Variants in RHOA observed in about 807,000 individuals in gnomAD.
RHOA encodes the protein ras homolog family member A.
Under a neutral mutation model 17.5 loss-of-function variants are expected in RHOA, and 3 were observed. The observed-to-expected ratio is 0.17, with a 90% CI of 0.08 to 0.44. The LOEUF is 0.44. Among genes scored for constraint, RHOA ranks in the 20% least tolerant of loss-of-function variants. The pLI, the probability that RHOA is intolerant of heterozygous loss-of-function variation, is 0.99. For synonymous variants in RHOA, 98 were observed against 88.4 expected (o/e 1.11, Z -0.61); for missense variants, 56 against 242.3 (o/e 0.23, Z 5.10).
Position 49,360,036 on chromosome 3 carries a change from GTTGGACA to G in RHOA, c.*166_*172del, listed in dbSNP as rs1407493935. The G allele has an allele frequency of 6.9e-6, 5 of 728,340 alleles. No individual in the cohort carries two copies. The highest frequency in any genetic ancestry group is 1.1e-5 in the Non-Finnish European group (5 of 470,910). The allele number at this position is 728,340 out of a possible 1,614,324, so 45.1% of individuals were successfully genotyped here. A position where few individuals can be genotyped will look rare whatever the true frequency, so the allele number is the denominator to read the frequency against. On this transcript the variant is annotated 3_prime_UTR_variant, in exon 5 of 5. Coordinates refer to ENST00000418115, the MANE Select transcript of RHOA (RefSeq NM_001664.4). The stretch of plus-strand genomic sequence containing the variant: ...AAAAGGACCCTGGTGGGCCAGACGG[GTTGGACA>G]TCGTTAATAATCATAGTTGGCTTCT...
At chr3:49,368,707 CTTTTTT>C (rs374609508) in intron 2 of RHOA, among the ~76,000 whole-genome samples, 159 bp from the exon 3 acceptor site, 1 of 130,342 alleles carries the variant, frequency 7.7e-6, no homozygotes, top group Non-Finnish European at 1.6e-5. Context: ...TTTCTTTTTT[CTTTTTT>C]TTTTTTTTTT....
chr3:49,402,198 G>A (rs183838819), intron 1 of RHOA, among the ~76,000 whole-genome samples: 2 of 152,182 alleles, frequency 1.3e-5, no homozygotes, highest in Non-Finnish European at 2.9e-5. Context: ...AACCTTCAAT[G>A]GATGCACAGA....
intron 1 of RHOA, among the ~76,000 whole-genome samples, chr3:49,383,243 C>T (rs1303154261): frequency 6.6e-6 from 1 of 151,572 alleles, no homozygotes; most frequent in Non-Finnish European, 1.5e-5. Context: ...ACCATCCCGG[C>T]TAACATTTCT....
chr3:49,397,239 T>C (rs2048631442), intron 1 of RHOA, among the ~76,000 whole-genome samples: 1 of 152,002 alleles, frequency 6.6e-6, no homozygotes, highest in African/African-American at 2.4e-5. Context: ...ATGATTCCAT[T>C]ACACGAAATA....
intron 1 of RHOA, among the ~76,000 whole-genome samples, chr3:49,376,827 T>C (rs2107852828): frequency 6.6e-6 from 1 of 152,000 alleles, no homozygotes; most frequent in African/African-American, 2.4e-5. Flanking sequence ...TAGATTTGTT[T>C]GTAAAGAAAC....
At chr3:49,372,690 C>T (rs1306492952) in intron 2 of RHOA, among the ~76,000 whole-genome samples, 3 of 145,584 alleles carry the variant, frequency 2.1e-5, no homozygotes, top group Non-Finnish European at 3.0e-5. Context: ...GCAGAGATCA[C>T]GCCACTGCAC....
At chr3:49,411,450 G>A (rs2048933542) in intron 1 of RHOA, among the ~76,000 whole-genome samples, 1 of 152,216 alleles carries the variant, frequency 6.6e-6, no homozygotes, top group Admixed American at 6.5e-5. Flanking sequence ...CGCGCTTTCA[G>A]CGGCCGGCTA....
At chr3:49,360,444 A>C in intron 4 of RHOA, 62 bp from the exon 5 acceptor site, 1 of 1,491,696 alleles carries the variant, frequency 6.7e-7, no homozygotes, top group Non-Finnish European at 9.0e-7. Flanking sequence ...AGTAAGTAAA[A>C]AGTATTCAAA....
At chr3:49,388,354 T>G (rs1438091482) in intron 1 of RHOA, among the ~76,000 whole-genome samples, 2 of 152,162 alleles carry the variant, frequency 1.3e-5, no homozygotes, top group African/African-American at 4.8e-5. Flanking sequence ...GCTGTGGCTT[T>G]CTGAGCTTTA....
At chr3:49,393,214 C>T (rs1013923374) in intron 1 of RHOA, among the ~76,000 whole-genome samples, 33 of 152,114 alleles carry the variant, frequency 2.2e-4, no homozygotes, top group African/African-American at 7.2e-4. Flanking sequence ...ATTCTAAGTG[C>T]TCCCATCCAT....
At chr3:49,381,095 A>G (rs1261461060) in intron 1 of RHOA, among the ~76,000 whole-genome samples, 5 of 152,102 alleles carry the variant, frequency 3.3e-5, no homozygotes, top group South Asian at 2.1e-4. Flanking sequence ...TGCTCAATGC[A>G]TATCTTCAAA....
At position 49,359,865 on chromosome 3, in the gene RHOA, TGTTA is replaced by T. The variant is rs2047931674; in HGVS notation, c.*340_*343del. On this transcript the variant is annotated 3_prime_UTR_variant, in exon 5 of 5. Coordinates refer to ENST00000418115, the MANE Select transcript of RHOA (RefSeq NM_001664.4). Reference sequence around the variant, plus strand: ...CAGCTGACAGATAATAGGCAGGACATGTTAGTTATAAAGTAGTTACAGCCTAATT... The same window carrying T: ...CAGCTGACAGATAATAGGCAGGACATGTTATAAAGTAGTTACAGCCTAATT... 3.6e-6 allele frequency: 1 copy of T among 278,904 alleles called. No individual in the cohort carries two copies. The highest frequency in any genetic ancestry group is 8.8e-5 in the South Asian group (1 of 11,360). The allele number at this position is 278,904 out of a possible 1,614,324, so 17.3% of individuals were successfully genotyped here. A position where few individuals can be genotyped will look rare whatever the true frequency, so the allele number is the denominator to read the frequency against.
At chr3:49,405,114 C>T (rs1294057776) in intron 1 of RHOA, among the ~76,000 whole-genome samples, 3 of 150,800 alleles carry the variant, frequency 2.0e-5, no homozygotes, top group South Asian at 4.2e-4. Flanking sequence ...AACACCTAGC[C>T]GGGCGTGGTG....
At chr3:49,387,856 G>A (rs1401501634) in intron 1 of RHOA, among the ~76,000 whole-genome samples, 1 of 151,990 alleles carries the variant, frequency 6.6e-6, no homozygotes, top group Non-Finnish European at 1.5e-5. Flanking sequence ...ACCAGAGGAA[G>A]AAATAATAAC....
At chr3:49,394,377 GTCTC>G (rs1320320411) in intron 1 of RHOA, among the ~76,000 whole-genome samples, 1 of 151,230 alleles carries the variant, frequency 6.6e-6, no homozygotes. Flanking sequence ...CTGAGATAGA[GTCTC>G]TCTCTGTTGC....
At chr3:49,373,263 G>C (rs1370951594) in intron 2 of RHOA, 1 of 221,670 alleles carries the variant, frequency 4.5e-6, no homozygotes, top group Admixed American at 4.8e-5. Flanking sequence ...AGAATTGCTT[G>C]AACTCAGGAG....
intron 1 of RHOA, 38 bp from the exon 2 acceptor site, chr3:49,375,629 A>G (rs1453447320): frequency 6.2e-7 from 1 of 1,601,898 alleles, no homozygotes; most frequent in East Asian, 2.2e-5. Flanking sequence ...GCAATGCACA[A>G]GAAGTCATAG....
chr3:49,397,208 G>A (rs149328498), intron 1 of RHOA, among the ~76,000 whole-genome samples: 1 of 149,404 alleles, frequency 6.7e-6, no homozygotes, highest in African/African-American at 2.5e-5. Flanking sequence ...AATGAAAGAA[G>A]CCAGTCACAA....
Position 49,408,675 on chromosome 3 carries a change from C to T in RHOA, c.-3+3145G>A, listed in dbSNP as rs569325238. Among the ~76,000 whole-genome samples the T allele has an allele frequency of 2.0e-5, 3 of 150,518 alleles. 1 individual carries two copies. In the South Asian group the frequency reaches 6.3e-4, roughly 32 times the overall value. ...CCAAAGAGCCCCATGTATAGCAAGG[C>T]ATGTAACATTAAGTTCAAAATTTAG... On this transcript the variant is annotated intron_variant, in intron 1 of 4. Coordinates refer to ENST00000418115, the MANE Select transcript of RHOA (RefSeq NM_001664.4).
Sources: gnomAD v4.1 joint callset for allele counts (sites outside exome capture counted in the v4.1 genomes callset) on GRCh38, gnomAD v4.1.1 for gene constraint, MANE v1.5 for transcripts, NCBI Gene and HGNC (gene_info 2026-07-23, HGNC 2026-07-21) for gene names.